The following CCDC14 variants were observed in gnomAD, a reference collection of about 807,000 sequenced individuals.
CCDC14 encodes the protein coiled-coil domain containing 14, also known as coiled-coil domain-containing protein 14.
CCDC14 carries 71 observed loss-of-function variants against 81.4 expected under a neutral mutation model. That is an observed-to-expected ratio of 0.87 (90% CI 0.72 to 1.06). The LOEUF is 1.06. CCDC14 is among the 50% of genes least tolerant of loss of function. CCDC14 has a pLI of 0.00. For missense variants in CCDC14, 1,046 were observed against 1,047.3 expected (o/e 1.00, Z 0.02); for synonymous variants, 332 against 364.8 (o/e 0.91, Z 1.03).
At chr3:123,899,517 C>A (rs923215553) in intron 5 of CCDC14, among the ~76,000 whole-genome samples, 4 of 152,212 alleles carry the variant, frequency 2.6e-5, no homozygotes, top group African/African-American at 9.6e-5. Context: ...ACACTGACAC[C>A]CATCCAGCAG....
intron 10 of CCDC14, among the ~76,000 whole-genome samples, chr3:123,932,592 A>G (rs1436357693): frequency 6.6e-6 from 1 of 152,126 alleles, no homozygotes; most frequent in Non-Finnish European, 1.5e-5. Context: ...TATTTTATCA[A>G]TCTGTTCCTC....
intron 12 of CCDC14, among the ~76,000 whole-genome samples, chr3:123,920,213 A>G (rs2148808164): frequency 6.6e-6 from 1 of 152,244 alleles, no homozygotes; most frequent in South Asian, 2.1e-4. Flanking sequence ...TCCAGTCAGA[A>G]GAGGAAATAA....
chr3:123,945,138 T>C, intron 8 of CCDC14, 148 bp from the exon 9 acceptor site: 1 of 457,146 alleles, frequency 2.2e-6, no homozygotes, highest in Admixed American at 4.1e-5. Flanking sequence ...TTATACAGGT[T>C]CCATTTTTCT....
At chr3:123,933,545 CTTTTA>C in intron 10 of CCDC14, 123 bp downstream of exon 10, 1 of 655,186 alleles carries the variant, frequency 1.5e-6, no homozygotes, top group East Asian at 2.8e-5. Context: ...GTGACAGCAT[CTTTTA>C]TTTTCTTATG....
At chr3:123,952,286 G>A (rs913331192) in intron 5 of CCDC14, among the ~76,000 whole-genome samples, 5 of 152,150 alleles carry the variant, frequency 3.3e-5, no homozygotes, top group African/African-American at 1.2e-4. Context: ...AACATCCAGT[G>A]CAGGTAAGAG....
downstream of CCDC14, among the ~76,000 whole-genome samples, chr3:123,895,211 A>G (rs2034041531): frequency 6.6e-6 from 1 of 151,992 alleles, no homozygotes; most frequent in Non-Finnish European, 1.5e-5. Context: ...GCAAGTCTGG[A>G]TCTCCCATCT....
At chr3:123,908,993 T>C (rs569790569), downstream of CCDC14, among the ~76,000 whole-genome samples, 1 of 152,222 alleles carries the variant, frequency 6.6e-6, no homozygotes, top group Non-Finnish European at 1.5e-5. Context: ...TCTTAATCCA[T>C]TGAGGCTCTA....
intron 5 of CCDC14, among the ~76,000 whole-genome samples, chr3:123,904,327 G>A (rs759353402): frequency 6.6e-6 from 1 of 152,138 alleles, no homozygotes; most frequent in African/African-American, 2.4e-5. Flanking sequence ...TGAGCATGGA[G>A]AAAACACTGA....
In CCDC14 at chr3:123,944,863, AT is replaced by A. The variant is rs1470632992; in HGVS notation, c.1328del (p.Asn443MetfsTer8). The A allele has an allele frequency of 6.2e-7, 1 of 1,610,328 alleles. No individual in the cohort carries two copies. The highest frequency in any genetic ancestry group is 1.3e-5 in the African/African-American group (1 of 74,846). On this transcript the variant is annotated frameshift_variant, in exon 9 of 13. Coordinates refer to ENST00000409697, the MANE Select transcript of CCDC14 (RefSeq NM_001366335.1). LOFTEE classifies it high-confidence loss of function. ...GCAATTCTTACCTTCGTAACTGAGC[AT>A]TCTCACTTCTTAATGGTTGCATGGC... is the stretch of plus-strand genomic sequence containing the variant. ...ALAMQPLRSE[N>X]AQLRRQLRIL...
intron 9 of CCDC14, among the ~76,000 whole-genome samples, chr3:123,938,115 G>A (rs1473721416): frequency 1.3e-5 from 2 of 151,722 alleles, no homozygotes; most frequent in Non-Finnish European, 3.0e-5. Context: ...GGGTACTTTA[G>A]AGTCTTCAAA....
At chr3:123,956,957 A>G in intron 1 of CCDC14, 162 bp from the exon 2 acceptor site, 1 of 468,526 alleles carries the variant, frequency 2.1e-6, no homozygotes, top group East Asian at 3.6e-5. Flanking sequence ...CTTCTCCCTG[A>G]CCCTAGCAAC....
chr3:123,946,394 A>G (rs2036629364), intron 8 of CCDC14, among the ~76,000 whole-genome samples: 1 of 152,170 alleles, frequency 6.6e-6, no homozygotes, highest in Non-Finnish European at 1.5e-5. Context: ...ACAATCTAAC[A>G]GTTGGCTATT....
the CCDC14 span, among the ~76,000 whole-genome samples, chr3:123,886,875 A>G: frequency 6.6e-6 from 1 of 152,152 alleles, no homozygotes; most frequent in Non-Finnish European, 1.5e-5. Flanking sequence ...ATCAGTTTAT[A>G]TTATTTCCAA....
At chr3:123,911,666 G>T (rs1164486460), downstream of CCDC14, among the ~76,000 whole-genome samples, 1 of 152,080 alleles carries the variant, frequency 6.6e-6, no homozygotes, top group African/African-American at 2.4e-5. Context: ...TGTCTGTCCT[G>T]TTTATTGCTG....
chr3:123,936,647 C>G lies in CCDC14; in HGVS notation c.1344-2892G>C, dbSNP rs147200914. Among the ~76,000 whole-genome samples the G allele has an allele frequency of 8.0e-3, 1,221 of 151,986 alleles. 10 individuals are homozygous for G. Among genetic ancestry groups the G allele is most frequent in the African/African-American group, 0.028 (1,166 of 41,444 alleles). On this transcript the variant is annotated intron_variant, in intron 9 of 12. Coordinates refer to ENST00000409697, the MANE Select transcript of CCDC14 (RefSeq NM_001366335.1). ...GAGCTAAATGATAAGAACTTATTAA[C>G]ACAAAGAAGGAAACAACAGACACTG...
chr3:123,959,371 C>T (rs2037534060), intron 1 of CCDC14, among the ~76,000 whole-genome samples: 2 of 152,278 alleles, frequency 1.3e-5, no homozygotes, highest in South Asian at 2.1e-4. Context: ...ATTTGCATTT[C>T]CTGGATTAGT....
At chr3:123,909,713 T>C (rs1169862239), downstream of CCDC14, among the ~76,000 whole-genome samples, 1 of 152,218 alleles carries the variant, frequency 6.6e-6, no homozygotes, top group Middle Eastern at 3.2e-3. Context: ...CATGTGATTT[T>C]ATTTAATCCT....
chr3:123,921,462 TC>T (rs1173450484), intron 12 of CCDC14, among the ~76,000 whole-genome samples: 1 of 152,158 alleles, frequency 6.6e-6, no homozygotes, highest in African/African-American at 2.4e-5. Context: ...GATAAAGGCA[TC>T]AATCTGCAAT....
rs759191567 is a variant in CCDC14 at position 123,915,631 on chromosome 3, T to A, written c.1866A>T (p.Ser622=). The change falls in exon 13 of 13, where the codon TCA becomes TCT. Residue 622 remains serine, a synonymous_variant. Coordinates refer to ENST00000409697, the MANE Select transcript of CCDC14 (RefSeq NM_001366335.1). Reference sequence around the variant, plus strand: ...GTTGTTTATCATGAATGTTCAAGAGTGATTTGGTAAGGTTATTCCCAGGCT... The same window carrying A: ...GTTGTTTATCATGAATGTTCAAGAGAGATTTGGTAAGGTTATTCCCAGGCT... ...RCKPGNNLTK[S]LLNIHDKQLQ... is the part of the protein sequence containing the mutation. The A allele has an allele frequency of 1.3e-5, 21 of 1,613,850 alleles. No homozygotes were observed. The East Asian group carries it at 4.5e-4, about 34-fold the overall frequency.
Sources: allele counts gnomAD v4.1 joint callset (sites outside exome capture counted in the v4.1 genomes callset), GRCh38; gene constraint gnomAD v4.1.1; transcripts MANE v1.5; gene names NCBI Gene and HGNC (gene_info 2026-07-23, HGNC 2026-07-21).